Variants in NHLRC3 observed in about 807,000 individuals in gnomAD.
The protein encoded by NHLRC3 is NHL repeat-containing protein 3.
NHLRC3 carries 23 observed loss-of-function variants against 32.0 expected under a neutral mutation model. That is an observed-to-expected ratio of 0.72 (90% CI 0.52 to 1.02). NHLRC3 has a LOEUF of 1.02. Among genes scored for constraint, NHLRC3 ranks in the 50% least tolerant of loss-of-function variants. The probability of loss-of-function intolerance (pLI) is 0.00; values close to 1 mark genes in which losing one functional copy is unlikely to be tolerated. For synonymous variants in NHLRC3, 159 were observed against 147.9 expected, an observed-to-expected ratio of 1.08 and a Z score of -0.55; for missense variants, 407 against 406.8, an observed-to-expected ratio of 1.00 and a Z score of -0.01.
Position 39,042,128 on chromosome 13 carries a change from A to C in NHLRC3, c.409A>C (p.Lys137Gln). 3 of 1,606,120 alleles carry C rather than the reference A, an allele frequency of 1.9e-6. No individual in the cohort carries two copies. The East Asian group carries it at 6.7e-5, about 36-fold the overall frequency. The change falls in exon 4 of 7, where the codon AAA becomes CAA. Residue 137 changes from lysine to glutamine, a missense_variant. Coordinates refer to ENST00000379600, the MANE Select transcript of NHLRC3 (RefSeq NM_001012754.4). Reference sequence around the variant, plus strand: ...AGGATTCTTTGGTCATACTGTTAAAAAATACAGTTCTTTTGGTGATCTTGT... The same window carrying C: ...AGGATTCTTTGGTCATACTGTTAAACAATACAGTTCTTTTGGTGATCTTGT... ...GSGFFGHTVK[K>Q]YSSFGDLVQV...
intron 4 of NHLRC3, among the ~76,000 whole-genome samples, chr13:39,042,773 TAGG>T (rs1208107627): frequency 1.3e-5 from 2 of 152,238 alleles, no homozygotes; most frequent in East Asian, 3.9e-4. Flanking sequence ...AAAATGGACT[TAGG>T]AGGAGAAACT....
rs752337989 is a variant in NHLRC3, at chr13:39,044,191, C to T, written c.678+10C>T. 1.1e-5 allele frequency: 18 copies of T among 1,574,934 alleles called. No individual in the cohort carries two copies. Among genetic ancestry groups the T allele is most frequent in the Non-Finnish European group, 1.4e-5 (16 of 1,145,070 alleles). ...TGATTCAGCTGGTCGGGTACAAATA[C>T]AGCGTCATTGTGTCTGGGACTTTGT... On this transcript the variant is annotated intron_variant, in intron 5 of 6. Transcript: ENST00000379600.
rs777424109 is a variant in NHLRC3, at chr13:39,048,747, A to C, written c.*821A>C. The C allele has an allele frequency of 6.6e-6, 1 of 152,274 alleles. No homozygotes were observed. Among genetic ancestry groups the C allele is most frequent in the Admixed American group, 6.5e-5 (1 of 15,280 alleles). The allele number at this position is 152,274 out of a possible 1,614,324, so 9.4% of individuals were successfully genotyped here. A position where few individuals can be genotyped will look rare whatever the true frequency, so the allele number is the denominator to read the frequency against. On this transcript the variant is annotated 3_prime_UTR_variant, in exon 7 of 7. Coordinates refer to ENST00000379600, the MANE Select transcript of NHLRC3 (RefSeq NM_001012754.4). The stretch of plus-strand genomic sequence containing the variant: ...ACCTATAAGATATTTAATGTCAGTC[A>C]GCCTTTAAATGTAGGAATAAAATGG...
At position 39,048,035 on chromosome 13, in the gene NHLRC3, A is replaced by G. The variant is rs957930846; in HGVS notation, c.*109A>G. On this transcript the variant is annotated 3_prime_UTR_variant, in exon 7 of 7. Transcript: ENST00000379600. Reference sequence around the variant, plus strand: ...TTTATTTTTCTAGTATAAAAGATCTAGTATCAGAAAGATTTGTTTTTGTAT... The same window carrying G: ...TTTATTTTTCTAGTATAAAAGATCTGGTATCAGAAAGATTTGTTTTTGTAT... 13 of 894,940 alleles carry G rather than the reference A, an allele frequency of 1.5e-5. No homozygotes were observed. Among genetic ancestry groups the G allele is most frequent in the Admixed American group, 9.8e-5 (4 of 40,946 alleles). The allele number at this position is 894,940 out of a possible 1,614,324, so 55.4% of individuals were successfully genotyped here.
chr13:39,045,615 G>A (rs1442262050), intron 5 of NHLRC3, among the ~76,000 whole-genome samples: 1 of 152,158 alleles, frequency 6.6e-6, no homozygotes, highest in Non-Finnish European at 1.5e-5. Context: ...ATTGAGTGTT[G>A]AGCAGGACAG....
At position 39,042,180 on chromosome 13, in the gene NHLRC3, A is replaced by C; in HGVS notation, c.461A>C (p.Lys154Thr). The C allele has an allele frequency of 6.2e-7, 1 of 1,612,444 alleles. No homozygotes were observed. Among genetic ancestry groups the C allele is most frequent in the Non-Finnish European group, 8.5e-7 (1 of 1,178,616 alleles). ...CAAGTCTTGGGTACTCCAGGCAAAA[A>C]AGGCACTAGTTTGAATCCTTTGCAG... is the stretch of plus-strand genomic sequence containing the variant. ...LVQVLGTPGK[K>T]GTSLNPLQFD... is the part of the protein sequence containing the mutation. Residue 154 changes from lysine (K) to threonine (T), a missense_variant, in exon 4 of 7, where the codon AAA becomes ACA. Physicochemically the swap from Lys to Thr is moderately conservative, Grantham distance 78. Coordinates refer to ENST00000379600, the MANE Select transcript of NHLRC3 (RefSeq NM_001012754.4).
chr13:39,039,455 TG>T, intron 2 of NHLRC3, 108 bp from the exon 3 acceptor site: 1 of 1,163,860 alleles, frequency 8.6e-7, no homozygotes, highest in Non-Finnish European at 1.2e-6. Flanking sequence ...TGTTAGATTT[TG>T]AAAGTGGTTT....
Position 39,039,589 on chromosome 13 carries a change from T to C in NHLRC3, c.263T>C (p.Leu88Ser). 1 of 1,612,150 alleles carries C rather than the reference T, an allele frequency of 6.2e-7. No individual in the cohort carries two copies. Among genetic ancestry groups the C allele is most frequent in the Non-Finnish European group, 8.5e-7 (1 of 1,178,224 alleles). ...AGAGGGGATAACATCCCAAAGATAT[T>C]AGTGTTCACAGAGGATGGATATTTC... ...GQRGDNIPKI[L>S]VFTEDGYFLR... is the part of the protein sequence containing the mutation. Residue 88 changes from leucine (L) to serine (S), a missense_variant, in exon 3 of 7, where the codon TTA (leucine) becomes TCA (serine). Leu to Ser is a moderately radical substitution (Grantham distance 145, BLOSUM62 -2). Coordinates refer to ENST00000379600, the MANE Select transcript of NHLRC3 (RefSeq NM_001012754.4).
chr13:39,045,454 A>T (rs891752420), intron 5 of NHLRC3, among the ~76,000 whole-genome samples: 18 of 152,214 alleles, frequency 1.2e-4, no homozygotes, highest in African/African-American at 4.3e-4. Flanking sequence ...AGTGTCAATT[A>T]TACAAAATTG....
intron 6 of NHLRC3, among the ~76,000 whole-genome samples, chr13:39,047,377 G>A (rs1454105505): frequency 2.0e-5 from 3 of 152,164 alleles, no homozygotes; most frequent in East Asian, 1.9e-4. Context: ...TTTGGTAAAT[G>A]TTTAAACAGG....
intron 4 of NHLRC3, 53 bp from the exon 5 acceptor site, chr13:39,044,037 A>G (rs2274384): frequency 0.12 from 141,968 of 1,227,170 alleles, 9,404 homozygotes; most frequent in African/African-American, 0.25. Flanking sequence ...AAATATGCAA[A>G]TGCATGAGAC....
At chr13:39,045,775 G>C (rs1871648026) in intron 5 of NHLRC3, among the ~76,000 whole-genome samples, 1 of 152,182 alleles carries the variant, frequency 6.6e-6, no homozygotes, top group Non-Finnish European at 1.5e-5. Context: ...TTGAGAAATT[G>C]CTTTACTTTG....
intron 2 of NHLRC3, 28 bp downstream of exon 2, chr13:39,039,316 A>G (rs767549336): frequency 1.0e-5 from 16 of 1,576,370 alleles, no homozygotes; most frequent in African/African-American, 1.4e-5. Flanking sequence ...TAAAAAAATT[A>G]TGAACACAAA....
chr13:39,044,303 GTGTC>G (rs763745391), intron 5 of NHLRC3, 122 bp downstream of exon 5: 147 of 741,304 alleles, frequency 2.0e-4, no homozygotes, highest in South Asian at 1.1e-3. Flanking sequence ...GTATACATGT[GTGTC>G]TGGGCATGTG....
rs397951843 is a variant in NHLRC3, at chr13:39,044,229, T to TTGTGGTTG, written c.678+52_678+53insGTTGTGTG. The TTGTGGTTG allele has an allele frequency of 1.3e-5, 11 of 859,154 alleles. No homozygotes were observed. In the East Asian group the frequency reaches 2.7e-4, roughly 21 times the overall value. 53.2% of individuals were successfully genotyped at this position (859,154 alleles called of 1,614,324 possible). On this transcript the variant is annotated intron_variant, in intron 5 of 6. Coordinates refer to ENST00000379600, the MANE Select transcript of NHLRC3 (RefSeq NM_001012754.4). ...TCTGGGACTTTGTGTCTGAATATGT[T>TTGTGGTTG]TGTGTGTGTGTGTGTGTGTGTGTGT...
intron 6 of NHLRC3, 25 bp downstream of exon 6, chr13:39,047,177 A>G (rs2138157922): frequency 1.4e-6 from 2 of 1,386,302 alleles, no homozygotes; most frequent in South Asian, 1.2e-5. Context: ...TTATTGCAAA[A>G]TGCTTGTTTT....
chr13:39,038,652 T>C lies in NHLRC3; in HGVS notation c.13T>C (p.Trp5Arg). 1 of 1,614,206 alleles carries C rather than the reference T, an allele frequency of 6.2e-7. No homozygotes were observed. Among genetic ancestry groups the C allele is most frequent in the Non-Finnish European group, 8.5e-7 (1 of 1,180,010 alleles). The change falls in exon 1 of 7, where the codon TGG (tryptophan) becomes CGG (arginine). Residue 5 changes from tryptophan to arginine, a missense_variant. Transcript: ENST00000379600. Reference sequence around the variant, plus strand: ...TTCCCGTCTGGTCATGGCGAGATTCTGGGTCTGCGTAGCCGGTGCTGGCTT... The same window carrying C: ...TTCCCGTCTGGTCATGGCGAGATTCCGGGTCTGCGTAGCCGGTGCTGGCTT... MARFWVCVAGAGFFL... is the reference protein window; with the variant it reads MARFRVCVAGAGFFL...
chr13:39,047,184 T>C (rs1871716120), intron 6 of NHLRC3, 32 bp downstream of exon 6: 1 of 1,262,068 alleles, frequency 7.9e-7, no homozygotes, highest in Non-Finnish European at 1.2e-6. Flanking sequence ...AAAATGCTTG[T>C]TTTAGTTAGT....
chr13:39,046,305 C>T (rs185495655), intron 5 of NHLRC3, among the ~76,000 whole-genome samples: 69 of 152,176 alleles, frequency 4.5e-4, no homozygotes, highest in African/African-American at 1.5e-3. Flanking sequence ...GGTGACAGAG[C>T]GAGACTCCAT....
Sources: allele counts gnomAD v4.1 joint callset (sites outside exome capture counted in the v4.1 genomes callset), GRCh38; gene constraint gnomAD v4.1.1; transcripts MANE v1.5; gene names NCBI Gene and HGNC (gene_info 2026-07-23, HGNC 2026-07-21).